NABP2: variants seen among roughly 807,000 people sequenced by gnomAD.
NABP2 encodes the protein SOSS complex subunit B1.
A neutral mutation model predicts 22.7 loss-of-function variants in NABP2; 7 were observed. The ratio of observed to expected loss-of-function variants is 0.31; its 90% CI spans 0.18 to 0.58. The LOEUF is 0.58. Ranked by LOEUF, NABP2 falls within the 20% of genes least tolerant of loss-of-function variation. The pLI, the probability that NABP2 is intolerant of heterozygous loss-of-function variation, is 0.89. For missense variants in NABP2, 188 were observed against 265.9 expected, an observed-to-expected ratio of 0.71 and a Z score of 2.04; for synonymous variants, 107 against 99.2, an observed-to-expected ratio of 1.08 and a Z score of -0.47.
Position 56,226,506 on chromosome 12 carries a change from C to T in NABP2, c.436+87C>T. The T allele has an allele frequency of 2.6e-6, 3 of 1,159,252 alleles. No homozygotes were observed. The Admixed American group carries it at 5.3e-5, about 20-fold the overall frequency. The allele number at this position is 1,159,252 out of a possible 1,614,324, so 71.8% of individuals were successfully genotyped here. ...AGATGCATTTCCCTCATTCCTTTTC[C>T]AAATCTCTCTTTTCTCAGTGTATCC... is the stretch of plus-strand genomic sequence containing the variant. On this transcript the variant is annotated intron_variant, in intron 6 of 6. Coordinates refer to ENST00000267023, the MANE Select transcript of NABP2 (RefSeq NM_024068.4).
At chr12:56,223,513 G>T (rs1319085897), upstream of NABP2, 1 of 149,498 alleles carries the variant, frequency 6.7e-6, no homozygotes, top group East Asian at 2.0e-4. Context: ...CTCCAGCCTG[G>T]GTTACACAGC....
In NABP2 at chr12:56,226,274, C is replaced by T. The variant is rs1565951031; in HGVS notation, c.372+14C>T. On this transcript the variant is annotated intron_variant, in intron 5 of 6. Coordinates refer to ENST00000267023, the MANE Select transcript of NABP2 (RefSeq NM_024068.4). ...CCCAACAAGGCGGTGAGTCCTGTGG[C>T]CACAATGGTGGGAAAGGAGGGCAGA... is the stretch of plus-strand genomic sequence containing the variant. 3.1e-6 allele frequency: 5 copies of T among 1,614,026 alleles called. No individual in the cohort carries two copies. Among genetic ancestry groups the T allele is most frequent in the Non-Finnish European group, 2.5e-6 (3 of 1,179,968 alleles).
chr12:56,229,087 T>TTGGGGCCCCCC lies in NABP2; in HGVS notation c.510_511insTGGGGCCCCCC (p.Pro171TrpfsTer66). Reference sequence around the variant, plus strand: ...GTGGTGGCCCACATCCCCCTCATACTCCCTCCCACCCACCCAGCACCCGAA... The same window carrying TTGGGGCCCCCC: ...GTGGTGGCCCACATCCCCCTCATACTTGGGGCCCCCCCCCTCCCACCCACCCAGCACCCGAA... On this transcript the variant is annotated frameshift_variant, in exon 7 of 7. Coordinates refer to ENST00000267023, the MANE Select transcript of NABP2 (RefSeq NM_024068.4). LOFTEE classifies it high-confidence loss of function. The TTGGGGCCCCCC allele has an allele frequency of 2.0e-6, 3 of 1,512,340 alleles. No homozygotes were observed. The highest frequency in any genetic ancestry group is 2.7e-6 in the Non-Finnish European group (3 of 1,102,008). The allele number at this position is 1,512,340 out of a possible 1,614,324, so 93.7% of individuals were successfully genotyped here. A position where few individuals can be genotyped will look rare whatever the true frequency, so the allele number is the denominator to read the frequency against.
chr12:56,229,014 CCT>C lies in NABP2; in HGVS notation c.440_441del (p.Ser147Ter), dbSNP rs770533683. 3 of 1,611,802 alleles carry C rather than the reference CCT, an allele frequency of 1.9e-6. No homozygotes were observed. In the Admixed American group the frequency reaches 5.0e-5, roughly 27 times the overall value. On this transcript the variant is annotated frameshift_variant and splice_region_variant, in exon 7 of 7. Transcript: ENST00000267023. LOFTEE classifies it high-confidence loss of function. Reference sequence around the variant, plus strand: ...TTGTTTCTTCTCCTCCCACAATTAGCCTCTGAGAACCAGAATGGGAATGGACT... The same window carrying C: ...TTGTTTCTTCTCCTCCCACAATTAGCCTGAGAACCAGAATGGGAATGGACT...
At chr12:56,224,487 G>T in intron 1 of NABP2, 46 bp downstream of exon 1, 1 of 1,067,706 alleles carries the variant, frequency 9.4e-7, no homozygotes, top group Non-Finnish European at 1.1e-6. Flanking sequence ...CCGAGTCCCG[G>T]CTTGTCGGGA....
chr12:56,225,959 C>T (rs184120729), intron 4 of NABP2, among the ~76,000 whole-genome samples: 1 of 152,210 alleles, frequency 6.6e-6, no homozygotes, highest in East Asian at 1.9e-4. Flanking sequence ...TTCACCACAC[C>T]CAGCTAATTT....
upstream of NABP2, among the ~76,000 whole-genome samples, chr12:56,223,158 C>A (rs1054935798): frequency 2.6e-5 from 4 of 152,160 alleles, no homozygotes; most frequent in African/African-American, 9.7e-5. Context: ...ATCGCTTGAA[C>A]CCGGGAGGCA....
chr12:56,224,511 A>C, intron 1 of NABP2, 70 bp downstream of exon 1: 1 of 1,089,258 alleles, frequency 9.2e-7, no homozygotes, highest in Non-Finnish European at 1.1e-6. Context: ...GGGTTCCGGA[A>C]GATCTGGCCA....
chr12:56,222,755 G>A (rs1210193297), upstream of NABP2, among the ~76,000 whole-genome samples: 2 of 152,174 alleles, frequency 1.3e-5, no homozygotes, highest in Non-Finnish European at 2.9e-5. Flanking sequence ...TATTTATTGT[G>A]GACATTGGCT....
At chr12:56,222,836 T>C (rs779316077), upstream of NABP2, among the ~76,000 whole-genome samples, 4 of 152,180 alleles carry the variant, frequency 2.6e-5, no homozygotes, top group Non-Finnish European at 4.4e-5. Flanking sequence ...TACACAACAA[T>C]ACAGAGCTAG....
At chr12:56,226,510 T>G in intron 6 of NABP2, 91 bp downstream of exon 6, 1 of 1,090,714 alleles carries the variant, frequency 9.2e-7, no homozygotes, top group Non-Finnish European at 1.4e-6. Flanking sequence ...CTTTTCCAAA[T>G]CTCTCTTTTC....
intron 6 of NABP2, 138 bp downstream of exon 6, chr12:56,226,557 CTTTTTTTTTTTT>C (rs10676451): frequency 2.2e-5 from 6 of 271,924 alleles, no homozygotes; most frequent in South Asian, 1.1e-4. Context: ...TCCCAGACCC[CTTTTTTTTTTTT>C]TTTTTTTTTT....
At chr12:56,225,229 A>G in intron 2 of NABP2, 144 bp from the exon 3 acceptor site, 1 of 1,140,084 alleles carries the variant, frequency 8.8e-7, no homozygotes, top group Non-Finnish European at 1.3e-6. Flanking sequence ...CACAATCCCA[A>G]CCCTTTATGC....
At chr12:56,223,840 G>T (rs1869627133), upstream of NABP2, 1 of 152,158 alleles carries the variant, frequency 6.6e-6, no homozygotes, top group African/African-American at 2.4e-5. Context: ...TTTTTGTGGA[G>T]AATGGGGTCT....
At chr12:56,224,469 G>A (rs1174546795) in intron 1 of NABP2, 28 bp downstream of exon 1, 9 of 1,053,822 alleles carry the variant, frequency 8.5e-6, no homozygotes, top group Non-Finnish European at 1.0e-5. Flanking sequence ...GGTAGGGGAG[G>A]GGATGGACCG....
intron 2 of NABP2, among the ~76,000 whole-genome samples, chr12:56,225,164 C>T (rs1042848418): frequency 6.6e-6 from 1 of 152,056 alleles, no homozygotes; most frequent in Admixed American, 6.5e-5. Context: ...CCACTCAGGG[C>T]CCTCTCCATG....
upstream of NABP2, chr12:56,223,697 A>C (rs1206291833): frequency 6.6e-6 from 1 of 152,268 alleles, no homozygotes; most frequent in Non-Finnish European, 1.5e-5. Context: ...ACCCCAAATC[A>C]GGAACAAAGA....
upstream of NABP2, chr12:56,222,078 T>C (rs1245744384): frequency 6.6e-6 from 1 of 152,272 alleles, no homozygotes; most frequent in African/African-American, 2.4e-5. Context: ...ACAGGAAGTC[T>C]AGTCTAGAGT....
At position 56,229,298 on chromosome 12, in the gene NABP2, G is replaced by T. The variant is rs1053559535; in HGVS notation, c.*85G>T. Reference sequence around the variant, plus strand: ...AGCCTTCCACTGATTGGCTGGTGTAGCAGTATTTTAGCCACTGAACTTCAG... The same window carrying T: ...AGCCTTCCACTGATTGGCTGGTGTATCAGTATTTTAGCCACTGAACTTCAG... On this transcript the variant is annotated 3_prime_UTR_variant, in exon 7 of 7. Transcript: ENST00000267023. The T allele has an allele frequency of 6.7e-7, 1 of 1,488,364 alleles. No individual in the cohort carries two copies. The highest frequency in any genetic ancestry group is 1.4e-5 in the African/African-American group (1 of 72,766). 92.2% of individuals were successfully genotyped at this position (1,488,364 alleles called of 1,614,324 possible).
Sources: gnomAD v4.1 joint callset for allele counts (sites outside exome capture counted in the v4.1 genomes callset) on GRCh38, gnomAD v4.1.1 for gene constraint, MANE v1.5 for transcripts, NCBI Gene and HGNC (gene_info 2026-07-23, HGNC 2026-07-21) for gene names.